Variants in FANCA observed in about 807,000 individuals in gnomAD.
FANCA encodes the protein Fanconi anemia group A protein.
FANCA carries 236 observed loss-of-function variants against 194.3 expected under a neutral mutation model. The observed-to-expected ratio is 1.21, with a 90% CI of 1.09 to 1.35. The LOEUF (loss-of-function observed/expected upper bound fraction) is 1.35. Among genes scored for constraint, FANCA ranks in the 40% most tolerant of loss-of-function variants. The pLI is 0.00. For synonymous variants in FANCA, 1,014 were observed against 715.8 expected, an observed-to-expected ratio of 1.42 and a Z score of -6.65; for missense variants, 2,628 against 1,813.9, an observed-to-expected ratio of 1.45 and a Z score of -8.15.
chr16:89,758,444 G>C, intron 30 of FANCA, 133 bp downstream of exon 30: 1 of 988,280 alleles, frequency 1.0e-6, no homozygotes, highest in Non-Finnish European at 1.6e-6. Context: ...ACTGACATTT[G>C]GGTATAGGCT....
intron 7 of FANCA, among the ~76,000 whole-genome samples, chr16:89,804,195 G>C (rs1436128650): frequency 6.6e-6 from 1 of 152,040 alleles, no homozygotes; most frequent in Admixed American, 6.6e-5. Flanking sequence ...AAAAGCTTTA[G>C]GAAAAAGGAA....
rs1375795113 is a variant in FANCA at position 89,784,894 on chromosome 16, A to T, written c.1430T>A (p.Leu477Ter). Reference sequence around the variant, plus strand: ...AGACTCAAAAGGCACGAGTTCTGACAAGAACGTAAACAGGAAGACCAGGGC... The same window carrying T: ...AGACTCAAAAGGCACGAGTTCTGACTAGAACGTAAACAGGAAGACCAGGGC... The part of the protein sequence containing the change: ...KKALVFLFTF[L>*]SELVPFESPR... The change falls in exon 15 of 43, where the codon TTG becomes TAG. Residue 477 changes from leucine (L) to a stop codon, truncating the protein, a stop_gained. Coordinates refer to ENST00000389301, the MANE Select transcript of FANCA (RefSeq NM_000135.4). LOFTEE classifies it high-confidence loss of function. 1 of 1,614,164 alleles carries T rather than the reference A, an allele frequency of 6.2e-7. No homozygotes were observed. Among genetic ancestry groups the T allele is most frequent in the African/African-American group, 1.3e-5 (1 of 75,050 alleles).
rs562815235 is a variant in FANCA, at chr16:89,815,335, C to CTT, written c.189+540_189+541dup. On this transcript the variant is annotated intron_variant, in intron 2 of 42. Transcript: ENST00000389301. Reference sequence around the variant, plus strand: ...TACAGGCGTGAGCCACCACGCCCGGCTTTTTTTTTTTTTTTTTTTTTTTTT... The same window carrying CTT: ...TACAGGCGTGAGCCACCACGCCCGGCTTTTTTTTTTTTTTTTTTTTTTTTTTT... Among the ~76,000 whole-genome samples, 166 of 66,542 alleles carry CTT rather than the reference C, an allele frequency of 2.5e-3. 13 individuals are homozygous for CTT. Among genetic ancestry groups the CTT allele is most frequent in the Middle Eastern group, 0.017 (1 of 60 alleles). 43.7% of individuals were successfully genotyped at this position (66,542 alleles called of 152,430 possible). A position where few individuals can be genotyped will look rare whatever the true frequency, so the allele number is the denominator to read the frequency against.
In FANCA at chr16:89,815,888, G is replaced by C. The variant is rs1060501885; in HGVS notation, c.178C>G (p.Leu60Val). ...LLRSHQDLNA[L>V]LLEVEGPLCK... Reference sequence around the variant, plus strand: ...CAGCTTCCTCTTACCTCAAGCAAAAGGGCATTCAGGTCCTGATGGCTTCGC... The same window carrying C: ...CAGCTTCCTCTTACCTCAAGCAAAACGGCATTCAGGTCCTGATGGCTTCGC... The change falls in exon 2 of 43, where the codon CTT becomes GTT. Residue 60 changes from leucine to valine, a missense_variant. Coordinates refer to ENST00000389301, the MANE Select transcript of FANCA (RefSeq NM_000135.4). 1.2e-6 allele frequency: 2 copies of C among 1,612,848 alleles called. No individual in the cohort carries two copies. The highest frequency in any genetic ancestry group is 1.3e-5 in the African/African-American group (1 of 74,902).
intron 11 of FANCA, 90 bp downstream of exon 11, chr16:89,795,816 C>T: frequency 1.1e-6 from 1 of 919,130 alleles, no homozygotes; most frequent in Middle Eastern, 2.2e-4. Flanking sequence ...CCTAGAATTC[C>T]TGGCATCTCC....
At chr16:89,760,817 C>G (rs2038926298) in intron 29 of FANCA, among the ~76,000 whole-genome samples, 1 of 152,194 alleles carries the variant, frequency 6.6e-6, no homozygotes, top group African/African-American at 2.4e-5. Flanking sequence ...CATTTCCTCT[C>G]ACACGGCCCT....
chr16:89,813,782 G>GT (rs148322235), intron 3 of FANCA, among the ~76,000 whole-genome samples: 7,500 of 150,390 alleles, frequency 0.05, 662 homozygotes, highest in African/African-American at 0.17. Context: ...CCATAGGAAA[G>GT]TTTTTTTATC....
chr16:89,812,858 C>A (rs565176057), intron 3 of FANCA, among the ~76,000 whole-genome samples: 1 of 151,018 alleles, frequency 6.6e-6, no homozygotes, highest in African/African-American at 2.4e-5. Context: ...GATGGTGAAA[C>A]CCCGCCTCTA....
intron 21 of FANCA, among the ~76,000 whole-genome samples, chr16:89,775,027 G>T (rs375714128): frequency 6.6e-6 from 1 of 151,804 alleles, no homozygotes; most frequent in Non-Finnish European, 1.5e-5. Flanking sequence ...CCAGGGGGCA[G>T]AGGTTTCAGC....
At chr16:89,741,562 C>A (rs1188775692) in intron 37 of FANCA, among the ~76,000 whole-genome samples, 1 of 152,180 alleles carries the variant, frequency 6.6e-6, no homozygotes, top group African/African-American at 2.4e-5. Flanking sequence ...ACCCTTGGCT[C>A]CCTGCACAGA....
intron 33 of FANCA, among the ~76,000 whole-genome samples, chr16:89,748,307 C>CT (rs17233525): frequency 0.017 from 2,621 of 152,164 alleles, 81 homozygotes; most frequent in African/African-American, 0.06. Flanking sequence ...CACCACAAGG[C>CT]TTTTTTTACA....
In FANCA at chr16:89,795,348, G is replaced by T. The variant is rs1006955544; in HGVS notation, c.1006+558C>A. Among the ~76,000 whole-genome samples, 3 of 151,432 alleles carry T rather than the reference G, an allele frequency of 2.0e-5. 1 individual carries two copies. The South Asian group carries it at 6.3e-4, about 32-fold the overall frequency. On this transcript the variant is annotated intron_variant, in intron 11 of 42. Coordinates refer to ENST00000389301, the MANE Select transcript of FANCA (RefSeq NM_000135.4). ...TAAAATAAAGATATTTCTATTTTAC[G>T]CTGGGTGCGGTGGCTCACACCTGTA...
In FANCA at chr16:89,771,833, G is replaced by C; in HGVS notation, c.2015-19C>G. 1 of 1,613,210 alleles carries C rather than the reference G, an allele frequency of 6.2e-7. No individual in the cohort carries two copies. The highest frequency in any genetic ancestry group is 8.5e-7 in the Non-Finnish European group (1 of 1,180,002). ...GATATAACTGCGAAGGAAGAAACTA[G>C]TTAGGGATGACAAGAACCCCGAAAG... On this transcript the variant is annotated intron_variant, in intron 22 of 42. Transcript: ENST00000389301.
chr16:89,812,646 C>CAAAAAAAAAAAAAAAAAAAAAAAAA (rs71137677), intron 3 of FANCA, among the ~76,000 whole-genome samples: 38 of 42,298 alleles, frequency 9.0e-4, no homozygotes, highest in Non-Finnish European at 1.6e-3. Context: ...TACTCCGTCT[C>CAAAAAAAAAAAAAAAAAAAAAAAAA]AAAAAAAAAA....
chr16:89,800,442 G>T (rs1267786875), intron 8 of FANCA, among the ~76,000 whole-genome samples: 1 of 152,166 alleles, frequency 6.6e-6, no homozygotes, highest in Admixed American at 6.5e-5. Context: ...CACTGGCTCA[G>T]GAACCTCCAA....
chr16:89,755,762 T>C (rs955743041), intron 30 of FANCA, among the ~76,000 whole-genome samples: 7 of 152,324 alleles, frequency 4.6e-5, no homozygotes, highest in South Asian at 2.1e-4. Context: ...CAAGGATCCA[T>C]TCTGAGAAAC....
Position 89,761,947 on chromosome 16 carries a change from A to T in FANCA, c.2852+2T>A, listed in dbSNP as rs766875860. On this transcript the variant is annotated splice_donor_variant, in intron 29 of 42. Transcript: ENST00000389301. LOFTEE classifies it high-confidence loss of function. ...GCCAGGGTAGCTCTTTTCAACACTT[A>T]CCGTTCAGTATCTGAAAGAGCATCA... The T allele has an allele frequency of 6.2e-7, 1 of 1,613,200 alleles. No homozygotes were observed. The highest frequency in any genetic ancestry group is 8.5e-7 in the Non-Finnish European group (1 of 1,179,176).
chr16:89,774,586 C>T (rs997805421), intron 21 of FANCA, among the ~76,000 whole-genome samples: 39 of 151,630 alleles, frequency 2.6e-4, no homozygotes, highest in South Asian at 1.7e-3. Flanking sequence ...AAAAATTAGC[C>T]GGGTGTGGTG....
chr16:89,806,512 G>C (rs973253506), intron 6 of FANCA, among the ~76,000 whole-genome samples: 6 of 151,984 alleles, frequency 3.9e-5, no homozygotes, highest in African/African-American at 1.4e-4. Context: ...TGCAGTGTTT[G>C]TGTCCCTGGG....
Sources: allele counts gnomAD v4.1 joint callset (sites outside exome capture counted in the v4.1 genomes callset), GRCh38; gene constraint gnomAD v4.1.1; transcripts MANE v1.5; gene names NCBI Gene and HGNC (gene_info 2026-07-23, HGNC 2026-07-21).